MTHFS: variants seen among roughly 807,000 people sequenced by gnomAD.
MTHFS encodes the protein methenyltetrahydrofolate synthetase.
Under a neutral mutation model 12.7 loss-of-function variants are expected in MTHFS, and 7 were observed. The observed-to-expected ratio is 0.55, with a 90% confidence interval of 0.31 to 1.03. The LOEUF (loss-of-function observed/expected upper bound fraction) is 1.03, where lower values mean the gene tolerates loss of function less well. MTHFS is among the 50% of genes least tolerant of loss of function. The pLI is 0.05. For missense variants in MTHFS, 252 were observed against 258.1 expected (o/e 0.98, Z 0.16); for synonymous variants, 100 against 97.1 (o/e 1.03, Z -0.18).
intron 2 of MTHFS, among the ~76,000 whole-genome samples, chr15:79,884,659 T>C (rs2034352231): frequency 6.6e-6 from 1 of 152,130 alleles, no homozygotes; most frequent in Non-Finnish European, 1.5e-5. Context: ...GAGGCAAGGA[T>C]AATTCCATGT....
intron 2 of MTHFS, among the ~76,000 whole-genome samples, chr15:79,849,068 C>T (rs925240509): frequency 2.6e-5 from 4 of 152,124 alleles, no homozygotes; most frequent in African/African-American, 4.8e-5. Flanking sequence ...AGAAGCAAGA[C>T]GAGAATGGTT....
At chr15:79,869,098 A>C (rs2034061515) in intron 2 of MTHFS, among the ~76,000 whole-genome samples, 1 of 152,220 alleles carries the variant, frequency 6.6e-6, no homozygotes, top group Non-Finnish European at 1.5e-5. Context: ...TATTTATGCC[A>C]CCAGCATTTA....
chr15:79,865,389 G>A (rs1011755749), intron 2 of MTHFS, among the ~76,000 whole-genome samples: 2 of 152,124 alleles, frequency 1.3e-5, no homozygotes, highest in African/African-American at 4.8e-5. Context: ...CGGAAACTTC[G>A]AGGTATTTCT....
chr15:79,895,332 T>C (rs1255308825), intron 1 of MTHFS, among the ~76,000 whole-genome samples: 3 of 152,212 alleles, frequency 2.0e-5, no homozygotes, highest in Non-Finnish European at 4.4e-5. Context: ...CATTTTCCAA[T>C]AGAAAGCTTT....
In MTHFS at chr15:79,883,075, G is replaced by C. The variant is rs374063742; in HGVS notation, c.379+6018C>G. On this transcript the variant is annotated intron_variant, in intron 2 of 2. Transcript: ENST00000258874. ...AAAAATTAGTCAGGCATGGTAGTGTGTACCTGTAGTCCTGGCTACTCAGGA... is the reference window on the plus strand; with the variant it reads ...AAAAATTAGTCAGGCATGGTAGTGTCTACCTGTAGTCCTGGCTACTCAGGA... 6.6e-5 allele frequency among the ~76,000 whole-genome samples: 10 copies of C among 152,302 alleles called. No individual in the cohort carries two copies. The East Asian group carries it at 1.5e-3, about 24-fold the overall frequency.
intron 2 of MTHFS, among the ~76,000 whole-genome samples, chr15:79,868,186 A>G (rs2034044911): frequency 6.6e-6 from 1 of 152,238 alleles, no homozygotes; most frequent in African/African-American, 2.4e-5. Context: ...CAATGAATAA[A>G]GCAGATTAGG....
At position 79,845,426 on chromosome 15, in the gene MTHFS, G is replaced by A. The variant is rs1181863160; in HGVS notation, c.396C>T (p.Ile132=). 1 of 1,614,112 alleles carries A rather than the reference G, an allele frequency of 6.2e-7. No homozygotes were observed. Among genetic ancestry groups the A allele is most frequent in the South Asian group, 1.1e-5 (1 of 91,078 alleles). The change falls in exon 3 of 3, where the codon ATC becomes ATT. Residue 132 remains isoleucine (I), a synonymous_variant. Coordinates refer to ENST00000258874, the MANE Select transcript of MTHFS (RefSeq NM_006441.4). ...TGTCAAACCCAAGGCCTGGCATGAA[G>A]ATGAGATCAAGTCCCCCTGCGGAAA... ...EALSTGGLDL[I]FMPGLGFDKH... is the part of the protein sequence containing the mutation.
At chr15:79,896,153 T>C (rs2034564182) in intron 1 of MTHFS, among the ~76,000 whole-genome samples, 1 of 152,154 alleles carries the variant, frequency 6.6e-6, no homozygotes, top group Non-Finnish European at 1.5e-5. Context: ...TCCTCTCATT[T>C]CTCTCTTCTG....
intron 1 of MTHFS, chr15:79,896,661 C>G (rs1034920038): frequency 1.1e-6 from 1 of 872,780 alleles, no homozygotes; most frequent in South Asian, 1.9e-5. Flanking sequence ...ACAACTTTCA[C>G]TACCGGGCCC....
chr15:79,896,951 A>G lies in MTHFS; in HGVS notation c.38T>C (p.Leu13Pro), dbSNP rs1485532984. 2.0e-6 allele frequency: 3 copies of G among 1,537,354 alleles called. No individual in the cohort carries two copies. Among genetic ancestry groups the G allele is most frequent in the East Asian group, 2.5e-5 (1 of 40,602 alleles). ...CAGACGCTGCTTCAGCTCTCCCCGC[A>G]GGCTCCGCTTGGCGCTGCTCACCGC... The part of the protein sequence containing the change: ...AAAVSSAKRS[L>P]RGELKQRLRA... Residue 13 changes from leucine (L) to proline (P), a missense_variant, in exon 1 of 3, where the codon CTG becomes CCG. Leu to Pro is a moderately conservative substitution (Grantham distance 98). Coordinates refer to ENST00000258874, the MANE Select transcript of MTHFS (RefSeq NM_006441.4).
intron 2 of MTHFS, among the ~76,000 whole-genome samples, chr15:79,860,820 C>T (rs902569664): frequency 3.3e-5 from 5 of 152,104 alleles, no homozygotes; most frequent in South Asian, 2.1e-4. Context: ...ATGAGGTTTC[C>T]GGTTACAGTG....
intron 2 of MTHFS, among the ~76,000 whole-genome samples, chr15:79,850,722 G>A (rs1287242680): frequency 6.6e-6 from 1 of 152,152 alleles, no homozygotes; most frequent in Non-Finnish European, 1.5e-5. Flanking sequence ...AATCACCGGG[G>A]CAAGGATAAT....
intron 2 of MTHFS, among the ~76,000 whole-genome samples, chr15:79,868,953 G>A (rs11634787): frequency 0.06 from 9,051 of 151,934 alleles, 325 homozygotes; most frequent in Middle Eastern, 0.12. Context: ...CTATACACTA[G>A]GTGCATTTTT....
intron 2 of MTHFS, among the ~76,000 whole-genome samples, chr15:79,879,986 A>C (rs2034269071): frequency 6.6e-6 from 1 of 152,198 alleles, no homozygotes; most frequent in Non-Finnish European, 1.5e-5. Context: ...GGCAGTTAGG[A>C]AGATATTTTT....
intron 2 of MTHFS, among the ~76,000 whole-genome samples, chr15:79,875,049 A>G (rs1018141305): frequency 6.6e-6 from 1 of 152,166 alleles, no homozygotes; most frequent in African/African-American, 2.4e-5. Context: ...AAATAAAGAC[A>G]GGCATAGGAA....
chr15:79,872,461 G>A (rs984943323), intron 2 of MTHFS, among the ~76,000 whole-genome samples: 30 of 152,234 alleles, frequency 2.0e-4, no homozygotes, highest in Non-Finnish European at 1.5e-5. Context: ...GCTTTGCCGG[G>A]AAAGAATTCA....
At chr15:79,865,701 T>A (rs933301212) in intron 2 of MTHFS, among the ~76,000 whole-genome samples, 8 of 152,310 alleles carry the variant, frequency 5.3e-5, no homozygotes, top group Middle Eastern at 3.4e-3. Context: ...TGGCCATGAA[T>A]CCTAACAAAG....
intron 2 of MTHFS, among the ~76,000 whole-genome samples, chr15:79,874,837 G>A (rs1018152633): frequency 7.9e-5 from 12 of 152,190 alleles, no homozygotes; most frequent in African/African-American, 2.9e-4. Context: ...GTTCTGCCCG[G>A]CTCTCAGGCA....
intron 2 of MTHFS, among the ~76,000 whole-genome samples, chr15:79,884,750 C>T (rs1256040741): frequency 6.6e-6 from 1 of 152,112 alleles, no homozygotes; most frequent in East Asian, 1.9e-4. Context: ...AAATAAGGAA[C>T]AGTGAGACAT....
Sources: allele counts gnomAD v4.1 joint callset (sites outside exome capture counted in the v4.1 genomes callset), GRCh38; gene constraint gnomAD v4.1.1; transcripts MANE v1.5; gene names NCBI Gene and HGNC (gene_info 2026-07-23, HGNC 2026-07-21).